Variants in ITFG1 observed in about 807,000 individuals in gnomAD.
ITFG1 encodes the protein integrin alpha FG-GAP repeat containing 1, also known as T-cell immunomodulatory protein.
In ITFG1, 34 loss-of-function variants were observed where a neutral mutation model predicts 81.8. The observed-to-expected ratio is 0.42, with a 90% CI of 0.32 to 0.55. The LOEUF (loss-of-function observed/expected upper bound fraction) is 0.55, where lower values mean the gene tolerates loss of function less well. ITFG1 is among the 20% of genes least tolerant of loss of function. The pLI, the probability that ITFG1 is intolerant of heterozygous loss-of-function variation, is 0.17. For missense variants in ITFG1, 672 were observed against 755.4 expected, an observed-to-expected ratio of 0.89 and a Z score of 1.29; for synonymous variants, 285 against 270.6, an observed-to-expected ratio of 1.05 and a Z score of -0.52.
intron 14 of ITFG1, among the ~76,000 whole-genome samples, chr16:47,192,311 G>A (rs1965302590): frequency 6.6e-6 from 1 of 152,180 alleles, no homozygotes; most frequent in Non-Finnish European, 1.5e-5. Context: ...GCCTTTGCTG[G>A]TAGTTGCAGC....
At chr16:47,305,405 C>G (rs1967142358) in intron 10 of ITFG1, among the ~76,000 whole-genome samples, 1 of 151,866 alleles carries the variant, frequency 6.6e-6, no homozygotes, top group Admixed American at 6.6e-5. Context: ...ACAAAAGATA[C>G]AAGTTAAAAA....
At chr16:47,237,863 GATA>G (rs1463407595) in intron 13 of ITFG1, 99 bp downstream of exon 13, 2 of 625,534 alleles carry the variant, frequency 3.2e-6, no homozygotes, top group African/African-American at 2.0e-5. Flanking sequence ...ATCACTGCCA[GATA>G]ATAATGATAT....
At chr16:47,205,852 CTA>C (rs1491333464) in intron 14 of ITFG1, among the ~76,000 whole-genome samples, 15 of 128,452 alleles carry the variant, frequency 1.2e-4, no homozygotes, top group African/African-American at 3.8e-4. Flanking sequence ...ATCTATCTAT[CTA>C]TCTATCTATC....
At chr16:47,419,638 A>C (rs1596971396) in intron 6 of ITFG1, among the ~76,000 whole-genome samples, 2 of 112,180 alleles carry the variant, frequency 1.8e-5, no homozygotes. Context: ...ATGGAGTCTC[A>C]CTCTGTCACC....
intron 6 of ITFG1, among the ~76,000 whole-genome samples, chr16:47,403,041 C>T (rs923455113): frequency 1.6e-4 from 24 of 152,078 alleles, no homozygotes; most frequent in African/African-American, 5.6e-4. Context: ...TAAATGCTTA[C>T]GGTCAACAAA....
chr16:47,438,707 A>C (rs1423380175), intron 5 of ITFG1, among the ~76,000 whole-genome samples: 1 of 152,212 alleles, frequency 6.6e-6, no homozygotes, highest in Non-Finnish European at 1.5e-5. Context: ...TCAAAGACCA[A>C]AGGTAGATAA....
At chr16:47,458,490 G>A (rs767481356) in intron 2 of ITFG1, among the ~76,000 whole-genome samples, 2 of 152,118 alleles carry the variant, frequency 1.3e-5, no homozygotes, top group Non-Finnish European at 2.9e-5. Context: ...AGACAGCCAC[G>A]AATGCTTGCT....
At chr16:47,256,675 G>A (rs1378312044) in intron 12 of ITFG1, among the ~76,000 whole-genome samples, 2 of 152,194 alleles carry the variant, frequency 1.3e-5, no homozygotes, top group East Asian at 3.8e-4. Context: ...GTATTTTGTG[G>A]CTGCAGTAAT....
intron 7 of ITFG1, among the ~76,000 whole-genome samples, chr16:47,368,928 C>T (rs1465690694): frequency 6.6e-6 from 1 of 152,096 alleles, no homozygotes; most frequent in Non-Finnish European, 1.5e-5. Context: ...TGAGAGTAAG[C>T]AGAACACATT....
intron 14 of ITFG1, among the ~76,000 whole-genome samples, chr16:47,172,527 A>G (rs1452244584): frequency 6.6e-6 from 1 of 151,464 alleles, no homozygotes; most frequent in Admixed American, 6.6e-5. Flanking sequence ...ATAATCCCTG[A>G]TTTTATTCCC....
At chr16:47,159,020 T>C in intron 16 of ITFG1, 30 bp from the exon 17 acceptor site, 1 of 1,188,692 alleles carries the variant, frequency 8.4e-7, no homozygotes, top group South Asian at 1.6e-5. Context: ...AAATTAAAAT[T>C]ACAAATTTTA....
At chr16:47,270,154 G>C (rs1250179211) in intron 10 of ITFG1, among the ~76,000 whole-genome samples, 1 of 152,096 alleles carries the variant, frequency 6.6e-6, no homozygotes, top group African/African-American at 2.4e-5. Flanking sequence ...GTTAGGTAAT[G>C]ATTTCTTAGT....
Position 47,454,174 on chromosome 16 carries a change from A to G in ITFG1, c.282-16T>C. On this transcript the variant is annotated splice_polypyrimidine_tract_variant and intron_variant, in intron 2 of 17. Coordinates refer to ENST00000320640, the MANE Select transcript of ITFG1 (RefSeq NM_030790.5). Reference sequence around the variant, plus strand: ...ACTGTGATTCCTAAAAGAAACAAGCATTTACAAATATCAGACAAGTTGTAA... The same window carrying G: ...ACTGTGATTCCTAAAAGAAACAAGCGTTTACAAATATCAGACAAGTTGTAA... The G allele has an allele frequency of 6.3e-7, 1 of 1,580,070 alleles. No homozygotes were observed. Among genetic ancestry groups the G allele is most frequent in the Non-Finnish European group, 8.6e-7 (1 of 1,156,628 alleles).
intron 8 of ITFG1, among the ~76,000 whole-genome samples, chr16:47,327,406 C>G (rs1202095018): frequency 2.6e-5 from 4 of 151,880 alleles, no homozygotes; most frequent in Non-Finnish European, 5.9e-5. Flanking sequence ...ATTCAGGACA[C>G]AGGCATGGGC....
intron 16 of ITFG1, 121 bp downstream of exon 16, chr16:47,161,629 A>G: frequency 1.7e-6 from 1 of 598,384 alleles, no homozygotes; most frequent in Admixed American, 2.4e-5. Context: ...CCGTAAGCAA[A>G]TTAAGGGATG....
Position 47,187,743 on chromosome 16 carries a change from A to C in ITFG1, c.1454-25079T>G, listed in dbSNP as rs955748659. Among the ~76,000 whole-genome samples the C allele has an allele frequency of 7.7e-3, 1,168 of 152,038 alleles. 10 individuals are homozygous for C. Among genetic ancestry groups the C allele is most frequent in the Non-Finnish European group, 0.012 (786 of 67,954 alleles). The stretch of plus-strand genomic sequence containing the variant: ...TAAAACACCAAAAGCAATGGCAACA[A>C]AAGCCAAAATTGACAAATGGGATCT... On this transcript the variant is annotated intron_variant, in intron 14 of 17. Coordinates refer to ENST00000320640, the MANE Select transcript of ITFG1 (RefSeq NM_030790.5).
chr16:47,170,370 T>G (rs1328159099), intron 14 of ITFG1, among the ~76,000 whole-genome samples: 1 of 152,172 alleles, frequency 6.6e-6, no homozygotes, highest in Non-Finnish European at 1.5e-5. Flanking sequence ...TTGTTACAGG[T>G]AGGTTGACAT....
chr16:47,374,088 C>A (rs1262254597), intron 7 of ITFG1, among the ~76,000 whole-genome samples: 1 of 152,164 alleles, frequency 6.6e-6, no homozygotes, highest in Non-Finnish European at 1.5e-5. Context: ...AATTTCCCTT[C>A]CACTGACCCC....
intron 14 of ITFG1, among the ~76,000 whole-genome samples, chr16:47,193,899 G>C (rs1965322695): frequency 6.6e-6 from 1 of 152,254 alleles, no homozygotes; most frequent in South Asian, 2.1e-4. Flanking sequence ...AAGTTATTCA[G>C]AAATTCTAGA....
Sources: allele counts gnomAD v4.1 joint callset (sites outside exome capture counted in the v4.1 genomes callset), GRCh38; gene constraint gnomAD v4.1.1; transcripts MANE v1.5; gene names NCBI Gene and HGNC (gene_info 2026-07-23, HGNC 2026-07-21).